The following SCLT1 variants were observed in gnomAD, a reference collection of about 807,000 sequenced individuals.
SCLT1 encodes the protein sodium channel-associated protein 1.
Under a neutral mutation model 112.8 loss-of-function variants are expected in SCLT1, and 78 were observed. The observed-to-expected ratio is 0.69, with a 90% CI of 0.58 to 0.83. The LOEUF is 0.83. Ranked by LOEUF, SCLT1 falls within the 40% of genes least tolerant of loss-of-function variation. The pLI, the probability that SCLT1 is intolerant of heterozygous loss-of-function variation, is 0.00. For missense variants in SCLT1, 747 were observed against 770.4 expected (o/e 0.97, Z 0.36); for synonymous variants, 257 against 254.7 (o/e 1.01, Z -0.09).
chr4:129,036,387 A>G (rs1416592804), intron 5 of SCLT1, among the ~76,000 whole-genome samples: 1 of 152,088 alleles, frequency 6.6e-6, no homozygotes, highest in Admixed American at 6.6e-5. Flanking sequence ...TCTCAACCAT[A>G]AAATACCTTG....
downstream of SCLT1, among the ~76,000 whole-genome samples, chr4:128,882,121 G>GTGTT (rs1360471298): frequency 9.9e-5 from 15 of 152,084 alleles, no homozygotes; most frequent in Non-Finnish European, 2.1e-4. Flanking sequence ...ATTTGCTAGA[G>GTGTT]TGTTAGTTTC....
rs568377116 is a variant in SCLT1 at position 129,082,989 on chromosome 4, C to T, written c.35-616G>A. 7.9e-5 allele frequency among the ~76,000 whole-genome samples: 12 copies of T among 151,820 alleles called. No individual in the cohort carries two copies. The South Asian group carries it at 2.1e-3, about 26-fold the overall frequency. On this transcript the variant is annotated intron_variant, in intron 1 of 20. Coordinates refer to ENST00000281142, the MANE Select transcript of SCLT1 (RefSeq NM_144643.4). ...GATGGATCACTTGAGGTCGGGAGTTCGAGACCACCCTGGCCAACATGGTGA... is the reference window on the plus strand; with the variant it reads ...GATGGATCACTTGAGGTCGGGAGTTTGAGACCACCCTGGCCAACATGGTGA...
chr4:128,882,090 A>G (rs1220473771), downstream of SCLT1, among the ~76,000 whole-genome samples: 1 of 152,200 alleles, frequency 6.6e-6, no homozygotes, highest in Admixed American at 6.5e-5. Context: ...AAAAAGTATA[A>G]TAATATAATA....
chr4:128,901,781 A>T (rs958985264), intron 18 of SCLT1, among the ~76,000 whole-genome samples: 5 of 152,282 alleles, frequency 3.3e-5, no homozygotes, highest in Non-Finnish European at 7.3e-5. Context: ...TCTCTATGAT[A>T]TTAAATACTT....
At chr4:129,012,269 CT>C (rs1482896184) in intron 5 of SCLT1, among the ~76,000 whole-genome samples, 8 of 152,252 alleles carry the variant, frequency 5.3e-5, no homozygotes, top group Admixed American at 3.3e-4. Flanking sequence ...TGATTTCTGC[CT>C]TAATTTCATT....
intron 20 of SCLT1, among the ~76,000 whole-genome samples, chr4:128,887,406 C>A (rs987421307): frequency 6.6e-6 from 1 of 151,534 alleles, no homozygotes; most frequent in Admixed American, 6.6e-5. Flanking sequence ...GAAGTAGATT[C>A]AAAAAAATCT....
chr4:128,978,294 A>C lies in SCLT1; in HGVS notation c.687-7826T>G, dbSNP rs555975421. Among the ~76,000 whole-genome samples the C allele has an allele frequency of 6.8e-4, 104 of 152,272 alleles. 2 individuals are homozygous for C. In the South Asian group the frequency reaches 0.021, roughly 31 times the overall value. ...GGTCAGAGGTGTATACTTGGAAAAC[A>C]TTAGGGCTGAAAGTTTAAATTGGGT... On this transcript the variant is annotated intron_variant, in intron 9 of 20. Transcript: ENST00000281142.
intron 18 of SCLT1, among the ~76,000 whole-genome samples, chr4:128,921,545 G>C (rs1735883442): frequency 6.6e-6 from 1 of 152,126 alleles, no homozygotes; most frequent in South Asian, 2.1e-4. Flanking sequence ...ACAAAAACAA[G>C]TAATGGGGAA....
intron 18 of SCLT1, among the ~76,000 whole-genome samples, chr4:128,898,586 T>C (rs867619847): frequency 6.6e-6 from 1 of 151,876 alleles, no homozygotes; most frequent in Non-Finnish European, 1.5e-5. Context: ...GATCGAAAAT[T>C]GACACCCTAA....
chr4:129,057,970 C>T (rs112083070), intron 2 of SCLT1, among the ~76,000 whole-genome samples: 2,183 of 152,012 alleles, frequency 0.014, 48 homozygotes, highest in African/African-American at 0.044. Context: ...CAGGCTGCTC[C>T]TGAACTGGCA....
chr4:129,026,771 T>G (rs1479821887), intron 5 of SCLT1, among the ~76,000 whole-genome samples: 4 of 152,256 alleles, frequency 2.6e-5, no homozygotes, highest in Non-Finnish European at 4.4e-5. Context: ...AGCTGGTTTT[T>G]TGAAAGGATC....
At chr4:129,009,746 C>T (rs1273837693) in intron 5 of SCLT1, among the ~76,000 whole-genome samples, 1 of 152,094 alleles carries the variant, frequency 6.6e-6, no homozygotes, top group Non-Finnish European at 1.5e-5. Context: ...TTATTGGCCA[C>T]ATGTATGTCT....
intron 18 of SCLT1, among the ~76,000 whole-genome samples, chr4:128,935,178 T>G (rs754685264): frequency 3.9e-5 from 6 of 152,028 alleles, no homozygotes; most frequent in Admixed American, 2.6e-4. Context: ...ATGATTTTTT[T>G]TTGTTGTTAG....
intron 2 of SCLT1, among the ~76,000 whole-genome samples, chr4:129,080,125 T>C (rs1751809424): frequency 6.6e-6 from 1 of 152,228 alleles, no homozygotes; most frequent in African/African-American, 2.4e-5. Context: ...CCTGTGATGG[T>C]AGGGGCTGTG....
intron 5 of SCLT1, chr4:129,037,179 T>C (rs1274520740): frequency 1.3e-5 from 2 of 151,984 alleles, no homozygotes; most frequent in African/African-American, 2.4e-5. Context: ...AAAAAAATTC[T>C]GTTCATCAAA....
chr4:129,088,830 T>C (rs1374877173), intron 1 of SCLT1, among the ~76,000 whole-genome samples: 1 of 152,180 alleles, frequency 6.6e-6, no homozygotes, highest in Non-Finnish European at 1.5e-5. Flanking sequence ...ACCCTTTCCT[T>C]ACACCTCATA....
At chr4:129,050,379 C>T (rs1303978827) in intron 2 of SCLT1, among the ~76,000 whole-genome samples, 2 of 152,156 alleles carry the variant, frequency 1.3e-5, no homozygotes, top group Non-Finnish European at 2.9e-5. Context: ...CCTATTTATA[C>T]ACAAACTTGC....
At chr4:128,968,218 T>C (rs1158568144) in intron 10 of SCLT1, among the ~76,000 whole-genome samples, 1 of 152,194 alleles carries the variant, frequency 6.6e-6, no homozygotes, top group Non-Finnish European at 1.5e-5. Context: ...GTTGCATTGC[T>C]TCACATTGTT....
intron 16 of SCLT1, chr4:128,944,843 T>G (rs1410778356): frequency 1.3e-5 from 2 of 152,166 alleles, no homozygotes; most frequent in Non-Finnish European, 2.9e-5. Flanking sequence ...ATAAAAAGAA[T>G]GCATGGGAGC....
Sources: allele counts gnomAD v4.1 joint callset (sites outside exome capture counted in the v4.1 genomes callset), GRCh38; gene constraint gnomAD v4.1.1; transcripts MANE v1.5; gene names NCBI Gene and HGNC (gene_info 2026-07-23, HGNC 2026-07-21).